RBM19: variants seen among roughly 807,000 people sequenced by gnomAD.
RBM19 encodes the protein RNA binding motif protein 19, also known as probable RNA-binding protein 19.
Under a neutral mutation model 116.8 loss-of-function variants are expected in RBM19, and 94 were observed. The observed-to-expected ratio is 0.80, with a 90% CI of 0.68 to 0.95. The LOEUF (loss-of-function observed/expected upper bound fraction) is 0.95. Among genes scored for constraint, RBM19 ranks in the 40% least tolerant of loss-of-function variants. The probability of loss-of-function intolerance (pLI) is 0.00; values close to 1 mark genes in which losing one functional copy is unlikely to be tolerated. For synonymous variants in RBM19, 475 were observed against 494.1 expected, an observed-to-expected ratio of 0.96 and a Z score of 0.51; for missense variants, 1,161 against 1,220.7, an observed-to-expected ratio of 0.95 and a Z score of 0.73.
intron 22 of RBM19, among the ~76,000 whole-genome samples, chr12:113,855,400 C>T (rs537371311): frequency 6.6e-6 from 1 of 152,354 alleles, no homozygotes; most frequent in African/African-American, 2.4e-5. Flanking sequence ...CTCCTTTCAG[C>T]CTATCCTGGT....
At chr12:113,893,877 C>T (rs1197364663) in intron 21 of RBM19, among the ~76,000 whole-genome samples, 2 of 152,238 alleles carry the variant, frequency 1.3e-5, no homozygotes, top group East Asian at 1.9e-4. Context: ...ACAGGGCCAG[C>T]AGCTACTGTA....
chr12:113,920,022 G>A (rs534002843), intron 19 of RBM19, among the ~76,000 whole-genome samples: 138 of 152,126 alleles, frequency 9.1e-4, no homozygotes, highest in African/African-American at 3.0e-3. Flanking sequence ...GCCACCCCAC[G>A]CCGCCCCTGC....
intron 1 of RBM19, among the ~76,000 whole-genome samples, chr12:113,965,480 C>T (rs961506022): frequency 1.3e-5 from 2 of 152,052 alleles, no homozygotes; most frequent in African/African-American, 4.8e-5. Context: ...TCAAGAGACA[C>T]TGTCTAACCT....
At chr12:113,836,961 G>A (rs1377604276) in intron 23 of RBM19, among the ~76,000 whole-genome samples, 2 of 107,194 alleles carry the variant, frequency 1.9e-5, no homozygotes, top group African/African-American at 7.8e-5. Flanking sequence ...CAATGCTTAT[G>A]TGTCAGGCAT....
At chr12:113,934,303 G>C (rs561649685) in intron 16 of RBM19, among the ~76,000 whole-genome samples, 3 of 152,210 alleles carry the variant, frequency 2.0e-5, no homozygotes, top group African/African-American at 7.2e-5. Context: ...CTCAGAGGGC[G>C]GGGCGGATAT....
rs758163058 is a variant in RBM19 at position 113,937,049 on chromosome 12, G to C, written c.2026C>G (p.Pro676Ala). 2 of 1,614,154 alleles carry C rather than the reference G, an allele frequency of 1.2e-6. No homozygotes were observed. The highest frequency in any genetic ancestry group is 1.7e-6 in the Non-Finnish European group (2 of 1,180,022). The change falls in exon 16 of 24, where the codon CCT (proline) becomes GCT (alanine). Residue 676 changes from proline to alanine, a missense_variant. By Grantham distance (27) the Pro-to-Ala change is conservative. Transcript: ENST00000261741. ...GGGTCCTTTTCCATGGGTTCTGAAG[G>C]TGTGTCTTGGAGCTTTTTCTTCTGT... ...APQKKKLQDT[P>A]SEPMEKDPAE...
At position 113,825,187 on chromosome 12, in the gene RBM19, A is replaced by C. The variant is rs2135679194; in HGVS notation, c.2786-1866T>G. Reference sequence around the variant, plus strand: ...CCCAGAAAGGGGAATGAGCGGACGGAGCAAGGGTGAGAGAGAGACGGCAGA... The same window carrying C: ...CCCAGAAAGGGGAATGAGCGGACGGCGCAAGGGTGAGAGAGAGACGGCAGA... On this transcript the variant is annotated intron_variant, in intron 23 of 23. Coordinates refer to ENST00000261741, the MANE Select transcript of RBM19 (RefSeq NM_016196.4). This position sits in a 1 kb window ranked among gnomAD's most constrained non-coding sequence, Gnocchi z 5.7. 6.6e-6 allele frequency among the ~76,000 whole-genome samples: 1 copy of C among 152,360 alleles called. No individual in the cohort carries two copies. The highest frequency in any genetic ancestry group is 2.1e-4 in the South Asian group (1 of 4,828).
downstream of RBM19, among the ~76,000 whole-genome samples, chr12:113,819,389 T>C (rs772182588): frequency 6.6e-6 from 1 of 152,214 alleles, no homozygotes; most frequent in Admixed American, 6.5e-5. Context: ...CCTGTTATGG[T>C]TCTCTTTCCC....
chr12:113,960,697 T>C (rs1010311607), intron 2 of RBM19, among the ~76,000 whole-genome samples: 6 of 152,148 alleles, frequency 3.9e-5, no homozygotes, highest in Non-Finnish European at 7.3e-5. Flanking sequence ...TCAACCAGGC[T>C]CTGGGCAGGG....
chr12:113,829,902 A>G (rs55849825), intron 23 of RBM19, among the ~76,000 whole-genome samples: 40,267 of 152,204 alleles, frequency 0.26, 5,502 homozygotes, highest in Middle Eastern at 0.41. Flanking sequence ...AGATAAGGCC[A>G]AGGGGCGAGC....
At position 113,873,689 on chromosome 12, in the gene RBM19, TAAAAAAAA is replaced by T. The variant is rs146761765; in HGVS notation, c.2559-14801_2559-14794del. 7.0e-5 allele frequency among the ~76,000 whole-genome samples: 9 copies of T among 127,688 alleles called. No homozygotes were observed. In the South Asian group the frequency reaches 2.3e-3, roughly 32 times the overall value. The allele number at this position is 127,688 out of a possible 152,430, so 83.8% of individuals were successfully genotyped here. The stretch of plus-strand genomic sequence containing the variant: ...AAGAATTATCAATAAAAAAATAAAT[TAAAAAAAA>T]AAAAAAAAAAGAAAAGGCACTGTGT... On this transcript the variant is annotated intron_variant, in intron 21 of 23. Transcript: ENST00000261741.
At chr12:113,961,663 C>G (rs1248297659) in intron 2 of RBM19, among the ~76,000 whole-genome samples, 1 of 152,204 alleles carries the variant, frequency 6.6e-6, no homozygotes, top group East Asian at 1.9e-4. Flanking sequence ...CACGAGTGAC[C>G]TGAGTGGAGC....
chr12:113,846,076 C>T (rs1237888859), intron 22 of RBM19, among the ~76,000 whole-genome samples: 1 of 152,186 alleles, frequency 6.6e-6, no homozygotes, highest in Non-Finnish European at 1.5e-5. Context: ...CCGTAGACAT[C>T]ACATTTGCAG....
chr12:113,896,387 G>A (rs540221507), intron 21 of RBM19, among the ~76,000 whole-genome samples: 38 of 152,320 alleles, frequency 2.5e-4, no homozygotes, highest in African/African-American at 8.4e-4. Flanking sequence ...GGGCATGTCC[G>A]CCTTAAAGGT....
rs1331138194 is a variant in RBM19, at chr12:113,920,769, C to T, written c.2306-79G>A. ...AAGTGCAAGGGCTGTGACGGGCCCC[C>T]AGACCTGCGCTGTATTTCCTCTTCT... On this transcript the variant is annotated intron_variant, in intron 18 of 23. Transcript: ENST00000261741. 1.8e-5 allele frequency: 22 copies of T among 1,242,326 alleles called. No homozygotes were observed. In the Admixed American group the frequency reaches 2.4e-4, roughly 14 times the overall value. 77.0% of individuals were successfully genotyped at this position (1,242,326 alleles called of 1,614,324 possible). A position where few individuals can be genotyped will look rare whatever the true frequency, so the allele number is the denominator to read the frequency against.
intron 21 of RBM19, among the ~76,000 whole-genome samples, chr12:113,909,017 T>C (rs1593568092): frequency 6.6e-6 from 1 of 152,018 alleles, no homozygotes; most frequent in African/African-American, 2.4e-5. Context: ...GCAGCTGGGG[T>C]GCAATGGTAA....
intron 21 of RBM19, among the ~76,000 whole-genome samples, chr12:113,911,650 G>A (rs1208678634): frequency 6.6e-6 from 1 of 152,128 alleles, no homozygotes; most frequent in African/African-American, 2.4e-5. Context: ...TGAGCAGCGT[G>A]GTGGCCTGAG....
At chr12:113,950,187 C>T in intron 8 of RBM19, 33 bp from the exon 9 acceptor site, 1 of 1,530,400 alleles carries the variant, frequency 6.5e-7, no homozygotes, top group South Asian at 1.1e-5. Context: ...GTAAAATCTG[C>T]AGGCCTTGCA....
chr12:113,864,680 T>C (rs2135753038), intron 21 of RBM19, among the ~76,000 whole-genome samples: 1 of 152,316 alleles, frequency 6.6e-6, no homozygotes, highest in Middle Eastern at 3.4e-3. Flanking sequence ...TCATCTATAA[T>C]GGGCAATTTC....
Sources: allele counts gnomAD v4.1 joint callset (sites outside exome capture counted in the v4.1 genomes callset), GRCh38; gene constraint gnomAD v4.1.1; non-coding constraint Gnocchi (gnomAD v3.1); transcripts MANE v1.5; gene names NCBI Gene and HGNC (gene_info 2026-07-23, HGNC 2026-07-21).